MTA3: variants seen among roughly 807,000 people sequenced by gnomAD.
MTA3 encodes metastasis associated 1 family member 3.
Under a neutral mutation model 83.5 loss-of-function variants are expected in MTA3, and 34 were observed. The observed-to-expected ratio is 0.41, with a 90% confidence interval of 0.31 to 0.54. The LOEUF is 0.54. MTA3 is among the 20% of genes least tolerant of loss of function. The pLI, the probability that MTA3 is intolerant of heterozygous loss-of-function variation, is 0.33. For missense variants in MTA3, 761 were observed against 726.4 expected, an observed-to-expected ratio of 1.05 and a Z score of -0.55; for synonymous variants, 303 against 252.7, an observed-to-expected ratio of 1.20 and a Z score of -1.89.
At chr2:42,605,670 C>A (rs370342381) in intron 3 of MTA3, among the ~76,000 whole-genome samples, 828 of 39,582 alleles carry the variant, frequency 0.021, no homozygotes, top group Middle Eastern at 0.06. Context: ...GGGGGCTGAC[C>A]CCCCCACCTC....
chr2:42,643,359 T>A (rs1446754794), intron 5 of MTA3, among the ~76,000 whole-genome samples: 1 of 152,168 alleles, frequency 6.6e-6, no homozygotes, highest in Admixed American at 6.5e-5. Context: ...CTTCTGCTTC[T>A]GGTTCAGATA....
chr2:42,497,097 T>C (rs1674169929), intron 2 of MTA3, among the ~76,000 whole-genome samples: 1 of 151,954 alleles, frequency 6.6e-6, no homozygotes, highest in Non-Finnish European at 1.5e-5. Context: ...TCCCAGCTAC[T>C]GGGGAGGCTG....
At chr2:42,575,506 A>G (rs1378223142) in intron 2 of MTA3, among the ~76,000 whole-genome samples, 7 of 152,326 alleles carry the variant, frequency 4.6e-5, no homozygotes, top group South Asian at 2.1e-4. Context: ...TACAAATAAA[A>G]TTGAGGACCT....
chr2:42,683,541 T>A (rs1209015636), intron 9 of MTA3, among the ~76,000 whole-genome samples: 1 of 152,168 alleles, frequency 6.6e-6, no homozygotes, highest in Non-Finnish European at 1.5e-5. Flanking sequence ...GATTACATTG[T>A]CATATATAAT....
chr2:42,655,065 T>C (rs1377858398), intron 6 of MTA3, among the ~76,000 whole-genome samples: 1 of 152,212 alleles, frequency 6.6e-6, no homozygotes, highest in Admixed American at 6.5e-5. Context: ...CCTCATTACT[T>C]GTGAAGGAAC....
rs1687950182 is a variant in MTA3, at chr2:42,644,184, A to C, written c.439A>C (p.Lys147Gln). The C allele has an allele frequency of 6.2e-7, 1 of 1,613,088 alleles. No homozygotes were observed. The highest frequency in any genetic ancestry group is 1.7e-5 in the Admixed American group (1 of 59,858). Reference protein sequence around the residue: ...DPSLKTLLADKGEIRVGPRYQ... With the variant: ...DPSLKTLLADQGEIRVGPRYQ... ...CTCATTGAAAACACTATTAGCTGAC[A>C]AAGGTGAAATCAGAGTGGGACCTAG... The change falls in exon 6 of 17, where the codon AAA (lysine) becomes CAA (glutamine). Residue 147 changes from lysine to glutamine, a missense_variant. Physicochemically the swap from Lys to Gln is moderately conservative, Grantham distance 53 (BLOSUM62 1). Transcript: ENST00000405094.
intron 14 of MTA3, chr2:42,709,342 G>T: frequency 7.7e-7 from 1 of 1,296,072 alleles, no homozygotes; most frequent in African/African-American, 1.5e-5. Context: ...CTTAGCAAAA[G>T]ATTGGTGGGA....
At chr2:42,501,995 A>AAATTT (rs1558400022) in intron 2 of MTA3, among the ~76,000 whole-genome samples, 1 of 151,910 alleles carries the variant, frequency 6.6e-6, no homozygotes, top group African/African-American at 2.4e-5. Flanking sequence ...AATTAAAATT[A>AAATTT]AAATTTAAAT....
chr2:42,676,035 T>C (rs1691323915), intron 8 of MTA3, among the ~76,000 whole-genome samples: 1 of 152,220 alleles, frequency 6.6e-6, no homozygotes, highest in Non-Finnish European at 1.5e-5. Context: ...CATTCTGAGC[T>C]TTACTCTCCT....
intron 16 of MTA3, among the ~76,000 whole-genome samples, chr2:42,746,944 T>C (rs1161286371): frequency 6.6e-6 from 1 of 152,020 alleles, no homozygotes; most frequent in African/African-American, 2.4e-5. Context: ...AAGGGTATGA[T>C]CTAATATGAA....
At chr2:42,520,193 A>G (rs1675355482) in intron 2 of MTA3, among the ~76,000 whole-genome samples, 1 of 152,112 alleles carries the variant, frequency 6.6e-6, no homozygotes, top group Admixed American at 6.6e-5. Flanking sequence ...AGTCTCCCTT[A>G]ATGCTCTGCT....
chr2:42,678,952 A>G (rs1310945806), intron 8 of MTA3, among the ~76,000 whole-genome samples: 2 of 152,224 alleles, frequency 1.3e-5, no homozygotes, highest in Admixed American at 6.5e-5. Context: ...GATCTTTCAC[A>G]TACATTCTCA....
upstream of MTA3, chr2:42,568,407 G>C (rs984090734): frequency 6.2e-6 from 1 of 160,286 alleles, no homozygotes; most frequent in Non-Finnish European, 1.3e-5. Flanking sequence ...TCCACTTCCA[G>C]CAAGGCCCCC....
chr2:42,591,073 C>T (rs980581502), intron 3 of MTA3, among the ~76,000 whole-genome samples: 1 of 150,936 alleles, frequency 6.6e-6, no homozygotes, highest in Non-Finnish European at 1.5e-5. Context: ...GTGATTTTGT[C>T]TTTGTGTGGA....
intron 3 of MTA3, among the ~76,000 whole-genome samples, chr2:42,596,201 T>G (rs1681770403): frequency 6.6e-6 from 1 of 152,232 alleles, no homozygotes; most frequent in Non-Finnish European, 1.5e-5. Flanking sequence ...TTTTTGTTTC[T>G]TAGTCTATGA....
intron 2 of MTA3, among the ~76,000 whole-genome samples, chr2:42,547,677 G>T (rs983451638): frequency 1.3e-5 from 2 of 152,182 alleles, no homozygotes; most frequent in African/African-American, 4.8e-5. Flanking sequence ...TGGCTTCTGG[G>T]ACTGGCCAAG....
At chr2:42,521,335 A>G (rs1675421847) in intron 2 of MTA3, among the ~76,000 whole-genome samples, 1 of 152,132 alleles carries the variant, frequency 6.6e-6, no homozygotes, top group African/African-American at 2.4e-5. Context: ...GTGAACTTGG[A>G]AGCAGACCCC....
intron 11 of MTA3, among the ~76,000 whole-genome samples, chr2:42,702,114 G>A (rs962864499): frequency 3.9e-5 from 6 of 152,094 alleles, no homozygotes; most frequent in Non-Finnish European, 7.4e-5. Flanking sequence ...AGGAGGCTGA[G>A]GCAGGAGAAT....
intron 6 of MTA3, among the ~76,000 whole-genome samples, chr2:42,651,904 G>A (rs1300427225): frequency 6.6e-6 from 1 of 151,880 alleles, no homozygotes. Flanking sequence ...GACTAGCCTG[G>A]CCAACATGGT....
Sources: allele counts gnomAD v4.1 joint callset (sites outside exome capture counted in the v4.1 genomes callset), GRCh38; gene constraint gnomAD v4.1.1; transcripts MANE v1.5; gene names NCBI Gene and HGNC (gene_info 2026-07-23, HGNC 2026-07-21).